Variants in TPO observed in about 807,000 individuals in gnomAD.
The protein encoded by TPO is thyroid peroxidase.
TPO carries 78 observed loss-of-function variants against 96.9 expected under a neutral mutation model. The ratio of observed to expected loss-of-function variants is 0.81; its 90% CI spans 0.67 to 0.97. TPO has a LOEUF of 0.97. TPO is among the 50% of genes least tolerant of loss of function. The pLI, the probability that TPO is intolerant of heterozygous loss-of-function variation, is 0.00. For synonymous variants in TPO, 547 were observed against 538.0 expected, an observed-to-expected ratio of 1.02 and a Z score of -0.23; for missense variants, 1,252 against 1,274.8, an observed-to-expected ratio of 0.98 and a Z score of 0.27.
At chr2:1,407,273 C>G (rs1662261688) in intron 1 of TPO, among the ~76,000 whole-genome samples, 1 of 152,140 alleles carries the variant, frequency 6.6e-6, no homozygotes, top group African/African-American at 2.4e-5. Context: ...CGTAAAGGAA[C>G]TGAGATCTGT....
At chr2:1,443,815 C>T (rs13026377) in intron 5 of TPO, among the ~76,000 whole-genome samples, 1 of 26,542 alleles carries the variant, frequency 3.8e-5, no homozygotes, top group African/African-American at 9.6e-5. Context: ...GCGGGAGGCA[C>T]CATGTTGGAA....
At chr2:1,504,223 G>A (rs1416949676) in intron 14 of TPO, 144 bp downstream of exon 14, 17 of 1,464,752 alleles carry the variant, frequency 1.2e-5, no homozygotes, top group South Asian at 7.2e-5. Flanking sequence ...CACGGTGCCC[G>A]AGGGGCGTCT....
chr2:1,493,867 G>T lies in TPO; in HGVS notation c.1834G>T (p.Ala612Ser). 1 of 1,614,186 alleles carries T rather than the reference G, an allele frequency of 6.2e-7. No homozygotes were observed. The highest frequency in any genetic ancestry group is 8.5e-7 in the Non-Finnish European group (1 of 1,180,022). The change falls in exon 11 of 17, where the codon GCC becomes TCC. Residue 612 changes from alanine to serine, a missense_variant. Transcript: ENST00000329066. Reference protein sequence around the residue: ...RLETPADLSTAIASRSVADKI... With the variant: ...RLETPADLSTSIASRSVADKI... ...GGAGACCCCCGCTGACCTGAGCACAGCCATCGCCAGCAGGAGCGTGGCCGA... is the reference window on the plus strand; with the variant it reads ...GGAGACCCCCGCTGACCTGAGCACATCCATCGCCAGCAGGAGCGTGGCCGA...
Position 1,433,729 on chromosome 2 carries a change from C to T in TPO, c.349+122C>T, listed in dbSNP as rs62105615. 4,558 of 1,135,912 alleles carry T rather than the reference C, an allele frequency of 4.0e-3. 23 individuals are homozygous for T. Among genetic ancestry groups the T allele is most frequent in the Non-Finnish European group, 5.4e-3 (4,211 of 780,798 alleles). The allele number at this position is 1,135,912 out of a possible 1,614,324, so 70.4% of individuals were successfully genotyped here. A position where few individuals can be genotyped will look rare whatever the true frequency, so the allele number is the denominator to read the frequency against. ...CTTGAGACCAAGCAGGATGGGACTC[C>T]AGCTCTTTCAAAGCATACAAGCTGC... On this transcript the variant is annotated intron_variant, in intron 4 of 16. Transcript: ENST00000329066.
At chr2:1,502,849 C>G (rs1673011350) in intron 13 of TPO, among the ~76,000 whole-genome samples, 1 of 152,232 alleles carries the variant, frequency 6.6e-6, no homozygotes, top group African/African-American at 2.4e-5. Context: ...GATACCCATT[C>G]TGTAACTGAG....
At chr2:1,498,405 G>A (rs1048609155) in intron 13 of TPO, among the ~76,000 whole-genome samples, 16 of 152,224 alleles carry the variant, frequency 1.1e-4, no homozygotes, top group African/African-American at 3.9e-4. Context: ...CCTGGGGAAC[G>A]GTGCCTCGGA....
At chr2:1,541,829 C>G (rs1680802343) in intron 16 of TPO, 1 of 153,938 alleles carries the variant, frequency 6.5e-6, no homozygotes, top group Non-Finnish European at 1.4e-5. Context: ...TACTTGCATA[C>G]AGGAGGGGGG....
chr2:1,412,416 C>T (rs115575149), upstream of TPO, among the ~76,000 whole-genome samples: 1,153 of 152,230 alleles, frequency 7.6e-3, 13 homozygotes, highest in African/African-American at 0.025. Flanking sequence ...TCTCAGGGTG[C>T]GTGGGGGGAT....
At chr2:1,510,892 T>C (rs995720633) in intron 14 of TPO, among the ~76,000 whole-genome samples, 3 of 152,192 alleles carry the variant, frequency 2.0e-5, no homozygotes, top group African/African-American at 4.8e-5. Context: ...TATATAGATA[T>C]AGATATAAAT....
intron 5 of TPO, among the ~76,000 whole-genome samples, chr2:1,449,394 T>G (rs144436932): frequency 1.3e-3 from 195 of 152,344 alleles, no homozygotes; most frequent in African/African-American, 4.5e-3. Context: ...CCTCTCACTT[T>G]GTTTTTCATT....
intron 15 of TPO, among the ~76,000 whole-genome samples, chr2:1,521,802 AC>A (rs1407365033): frequency 6.6e-6 from 1 of 152,018 alleles, no homozygotes; most frequent in Non-Finnish European, 1.5e-5. Flanking sequence ...TTAGAGACCC[AC>A]GTCTGCCCTG....
intron 15 of TPO, among the ~76,000 whole-genome samples, chr2:1,537,985 C>T (rs1370777053): frequency 1.2e-5 from 1 of 82,006 alleles, no homozygotes; most frequent in African/African-American, 5.1e-5. Context: ...AATCCCCCCA[C>T]TCTGTGCAAC....
chr2:1,477,012 G>T, intron 7 of TPO, 74 bp from the exon 8 acceptor site: 1 of 1,522,000 alleles, frequency 6.6e-7, no homozygotes, highest in South Asian at 1.3e-5. Context: ...GGTCGTCGCC[G>T]GCCTCGAACT....
chr2:1,447,559 C>G (rs556623699), intron 5 of TPO, among the ~76,000 whole-genome samples: 5 of 152,308 alleles, frequency 3.3e-5, no homozygotes, highest in African/African-American at 1.2e-4. Flanking sequence ...TCACTCATAT[C>G]TGGCTCAGAA....
rs539549575 is a variant in TPO at position 1,461,441 on chromosome 2, C to T, written c.819+5159C>T. On this transcript the variant is annotated intron_variant, in intron 7 of 16. Coordinates refer to ENST00000329066, the MANE Select transcript of TPO (RefSeq NM_001206744.2). ...GCCCTAGGCACTGTGGCTATGGTGC[C>T]GCCTGGGTAGGCTGGCCCTGGGGAA... 3.3e-5 allele frequency among the ~76,000 whole-genome samples: 5 copies of T among 152,326 alleles called. No homozygotes were observed. In the South Asian group the frequency reaches 6.2e-4, roughly 19 times the overall value.
intron 3 of TPO, among the ~76,000 whole-genome samples, chr2:1,426,794 T>C (rs1664457657): frequency 6.6e-6 from 1 of 152,192 alleles, no homozygotes; most frequent in Non-Finnish European, 1.5e-5. Flanking sequence ...GTTTTAATAA[T>C]AATAAAATAC....
At chr2:1,438,882 G>T (rs993000244) in intron 5 of TPO, 16 of 716,540 alleles carry the variant, frequency 2.2e-5, no homozygotes. Context: ...GAACCTTCCA[G>T]CAGGACAGAC....
At chr2:1,404,335 C>A (rs1662216881) in intron 1 of TPO, among the ~76,000 whole-genome samples, 1 of 152,112 alleles carries the variant, frequency 6.6e-6, no homozygotes, top group Non-Finnish European at 1.5e-5. Flanking sequence ...GTAGACAGGG[C>A]CTCCTCTGCT....
At chr2:1,505,368 C>T (rs1673311793) in intron 14 of TPO, among the ~76,000 whole-genome samples, 2 of 145,812 alleles carry the variant, frequency 1.4e-5, no homozygotes, top group East Asian at 2.1e-4. Flanking sequence ...CCCCCACCCC[C>T]GTGTCAGGCA....
Sources: gnomAD v4.1 joint callset for allele counts (sites outside exome capture counted in the v4.1 genomes callset) on GRCh38, gnomAD v4.1.1 for gene constraint, MANE v1.5 for transcripts, NCBI Gene and HGNC (gene_info 2026-07-23, HGNC 2026-07-21) for gene names.